The following GRM5 variants were observed in gnomAD, a reference collection of about 807,000 sequenced individuals.
GRM5 encodes the protein metabotropic glutamate receptor 5.
A neutral mutation model predicts 83.1 loss-of-function variants in GRM5; 19 were observed. The observed-to-expected ratio is 0.23, with a 90% CI of 0.16 to 0.34. GRM5 has a LOEUF of 0.34. GRM5 is among the 10% of genes least tolerant of loss of function. GRM5 has a pLI of 1.00. For synonymous variants in GRM5, 675 were observed against 633.6 expected (o/e 1.07, Z -0.98); for missense variants, 1,160 against 1,588.3 (o/e 0.73, Z 4.58).
intron 3 of GRM5, among the ~76,000 whole-genome samples, chr11:88,821,064 T>C (rs1943781484): frequency 1.3e-5 from 2 of 152,112 alleles, no homozygotes; most frequent in African/African-American, 4.8e-5. Context: ...CAGGAAGTTT[T>C]TAAGCCAAGG....
intron 2 of GRM5, among the ~76,000 whole-genome samples, chr11:88,876,542 C>T (rs966865684): frequency 1.1e-4 from 16 of 152,054 alleles, no homozygotes; most frequent in African/African-American, 3.4e-4. Flanking sequence ...GCACAAAAGG[C>T]CTAGACTGGT....
At chr11:88,644,823 G>T (rs935810291) in intron 4 of GRM5, among the ~76,000 whole-genome samples, 37 of 151,962 alleles carry the variant, frequency 2.4e-4, no homozygotes, top group African/African-American at 8.9e-4. Flanking sequence ...GAAAGGGAGA[G>T]AATTAAGCAC....
intron 3 of GRM5, among the ~76,000 whole-genome samples, chr11:88,764,750 A>C (rs1942595313): frequency 6.6e-6 from 1 of 151,626 alleles, no homozygotes; most frequent in Non-Finnish European, 1.5e-5. Flanking sequence ...TATATTAAAA[A>C]ATTAGAAAAA....
chr11:88,893,067 G>T (rs1565280512), intron 2 of GRM5, among the ~76,000 whole-genome samples: 2 of 150,668 alleles, frequency 1.3e-5, no homozygotes, highest in Non-Finnish European at 3.0e-5. Context: ...CTTCTAACTG[G>T]AATATCAGAC....
chr11:88,840,993 T>C (rs1944189157), intron 3 of GRM5, among the ~76,000 whole-genome samples: 1 of 152,166 alleles, frequency 6.6e-6, no homozygotes, highest in Non-Finnish European at 1.5e-5. Flanking sequence ...AAAAGACTGG[T>C]AGCTGATGTT....
intron 3 of GRM5, among the ~76,000 whole-genome samples, chr11:88,729,235 G>A (rs1941750768): frequency 6.6e-6 from 1 of 151,976 alleles, no homozygotes; most frequent in South Asian, 2.1e-4. Context: ...ACCATGAACA[G>A]ACAAACAGAG....
intron 3 of GRM5, among the ~76,000 whole-genome samples, chr11:88,759,152 A>C (rs1591493792): frequency 6.6e-6 from 1 of 152,218 alleles, no homozygotes; most frequent in South Asian, 2.1e-4. Context: ...GACCAGTGAC[A>C]CTATAAAGCA....
intron 2 of GRM5, among the ~76,000 whole-genome samples, chr11:89,018,595 A>G (rs1251612260): frequency 6.6e-6 from 1 of 152,156 alleles, no homozygotes; most frequent in Non-Finnish European, 1.5e-5. Context: ...GGATACGGAA[A>G]TTAAAGACCT....
intron 3 of GRM5, among the ~76,000 whole-genome samples, chr11:88,802,015 G>A (rs966156099): frequency 5.9e-5 from 9 of 152,102 alleles, no homozygotes; most frequent in South Asian, 2.1e-4. Flanking sequence ...AAACAAGCGT[G>A]GGGGAGGGAA....
At chr11:88,761,155 C>T (rs544214146) in intron 3 of GRM5, among the ~76,000 whole-genome samples, 1 of 152,116 alleles carries the variant, frequency 6.6e-6, no homozygotes, top group Non-Finnish European at 1.5e-5. Flanking sequence ...TGAGGATGCC[C>T]TCTCTCACCA....
At chr11:88,811,359 C>A (rs1315398180) in intron 3 of GRM5, among the ~76,000 whole-genome samples, 1 of 152,040 alleles carries the variant, frequency 6.6e-6, no homozygotes, top group Non-Finnish European at 1.5e-5. Context: ...GAAACAAGGA[C>A]TTTGGGAATC....
At chr11:88,799,231 G>A (rs751417838) in intron 3 of GRM5, among the ~76,000 whole-genome samples, 5 of 151,966 alleles carry the variant, frequency 3.3e-5, no homozygotes, top group South Asian at 2.1e-4. Flanking sequence ...ATGAAAATTA[G>A]ATTTGCATTA....
At chr11:88,718,344 A>G (rs968665020) in intron 3 of GRM5, among the ~76,000 whole-genome samples, 4 of 151,972 alleles carry the variant, frequency 2.6e-5, no homozygotes, top group African/African-American at 9.7e-5. Context: ...GTATATTTGT[A>G]GAGCAAATAC....
chr11:88,748,561 G>A (rs866355918), intron 3 of GRM5, among the ~76,000 whole-genome samples: 12 of 152,090 alleles, frequency 7.9e-5, no homozygotes, highest in East Asian at 1.9e-4. Flanking sequence ...AGGGTTCACC[G>A]CAATGCAGTG....
At chr11:88,561,752 TA>T (rs1017192710) in intron 8 of GRM5, among the ~76,000 whole-genome samples, 2 of 152,270 alleles carry the variant, frequency 1.3e-5, no homozygotes, top group Non-Finnish European at 2.9e-5. Context: ...TGTTTCCATA[TA>T]AAAAAATCTG....
At chr11:88,663,110 G>A (rs16914486) in intron 3 of GRM5, among the ~76,000 whole-genome samples, 5,079 of 152,270 alleles carry the variant, frequency 0.033, 264 homozygotes, top group African/African-American at 0.11. Flanking sequence ...TCACTTGGAA[G>A]GCCAATGCCT....
chr11:88,709,651 C>T (rs1352713277), intron 3 of GRM5, among the ~76,000 whole-genome samples: 1 of 152,104 alleles, frequency 6.6e-6, no homozygotes, highest in Non-Finnish European at 1.5e-5. Context: ...ATCTGTGGCA[C>T]TGGGTGGCTG....
intron 2 of GRM5, among the ~76,000 whole-genome samples, chr11:88,955,061 G>A (rs201674733): frequency 2.0e-5 from 3 of 152,250 alleles, no homozygotes; most frequent in East Asian, 1.9e-4. Flanking sequence ...ACGCTTTCAC[G>A]TGTTTTTTTT....
intron 3 of GRM5, among the ~76,000 whole-genome samples, chr11:88,750,550 T>C (rs966157532): frequency 1.3e-5 from 2 of 152,166 alleles, no homozygotes; most frequent in African/African-American, 4.8e-5. Flanking sequence ...AACAAAGATA[T>C]GCAGGATCTA....
Sources: gnomAD v4.1 joint callset for allele counts (sites outside exome capture counted in the v4.1 genomes callset) on GRCh38, gnomAD v4.1.1 for gene constraint, MANE v1.5 for transcripts, NCBI Gene and HGNC (gene_info 2026-07-23, HGNC 2026-07-21) for gene names.